Variants in FBXL18 observed in about 807,000 individuals in gnomAD.
FBXL18 encodes the protein F-box/LRR-repeat protein 18.
In FBXL18, 36 loss-of-function variants were observed where a neutral mutation model predicts 46.0. The observed-to-expected ratio is 0.78, with a 90% CI of 0.60 to 1.03. The LOEUF (loss-of-function observed/expected upper bound fraction) is 1.03, where lower values mean the gene tolerates loss of function less well. Ranked by LOEUF, FBXL18 falls within the 50% of genes least tolerant of loss-of-function variation. FBXL18 has a pLI of 0.00. For synonymous variants in FBXL18, 557 were observed against 465.3 expected, an observed-to-expected ratio of 1.20 and a Z score of -2.54; for missense variants, 977 against 1,004.1, an observed-to-expected ratio of 0.97 and a Z score of 0.36.
At chr7:5,510,685 C>G (rs1784510409) in intron 1 of FBXL18, among the ~76,000 whole-genome samples, 2 of 128,218 alleles carry the variant, frequency 1.6e-5, no homozygotes, top group African/African-American at 7.2e-5. Context: ...GATCCTGTCT[C>G]CAAAAAAAAA....
chr7:5,500,913 C>T lies in FBXL18; in HGVS notation c.1356G>A (p.Val452=). ...HAVPRGFGKK[V]RVGVQSCPSP... is the part of the protein sequence containing the mutation. ...TGGGACAGGACTGCACGCCCACACG[C>T]ACTTTCTTGCCAAAGCCGCGCGGCA... Residue 452 remains valine (V), a synonymous_variant, in exon 3 of 5, where the codon GTG becomes GTA. Coordinates refer to ENST00000382368, the MANE Select transcript of FBXL18 (RefSeq NM_024963.6). 1.9e-6 allele frequency: 3 copies of T among 1,571,134 alleles called. No individual in the cohort carries two copies. The highest frequency in any genetic ancestry group is 2.6e-6 in the Non-Finnish European group (3 of 1,159,032).
intron 3 of FBXL18, among the ~76,000 whole-genome samples, chr7:5,493,396 C>T (rs922273412): frequency 6.6e-4 from 100 of 152,068 alleles, no homozygotes; most frequent in African/African-American, 2.2e-3. Context: ...CCCGGGTTCA[C>T]GCCATTCTCC....
chr7:5,455,009 G>C lies in FBXL18; in HGVS notation c.2001-7166C>G, dbSNP rs1783152746. Among the ~76,000 whole-genome samples, 1 of 152,202 alleles carries C rather than the reference G, an allele frequency of 6.6e-6. No homozygotes were observed. Among genetic ancestry groups the C allele is most frequent in the African/African-American group, 2.4e-5 (1 of 41,442 alleles). On this transcript the variant is annotated intron_variant and NMD_transcript_variant, in intron 4 of 6. Transcript: ENST00000415009. The surrounding 1 kb of genome is among the most constrained non-coding windows in gnomAD (Gnocchi z 4.6). ...GGGAAACCAGAGCCTGGAGGGTGGT[G>C]CTCTAAGAGTGATCCCAGTCACACT... is the stretch of plus-strand genomic sequence containing the variant.
Position 5,464,612 on chromosome 7 carries a change from G to A in FBXL18, c.2001-16769C>T, listed in dbSNP as rs1289883864. On this transcript the variant is annotated intron_variant and NMD_transcript_variant, in intron 4 of 6. Coordinates refer to the FBXL18 transcript ENST00000415009. ...CAGGAGACGAATGTTGCAGTGACCC[G>A]AGATGACACCACTGAACTCTAGCCT... Among the ~76,000 whole-genome samples the A allele has an allele frequency of 6.8e-5, 9 of 131,830 alleles. 1 individual carries two copies. The highest frequency in any genetic ancestry group is 5.0e-4 in the South Asian group (2 of 4,004). The allele number at this position is 131,830 out of a possible 152,430, so 86.5% of individuals were successfully genotyped here. A position where few individuals can be genotyped will look rare whatever the true frequency, so the allele number is the denominator to read the frequency against.
intron 1 of FBXL18, among the ~76,000 whole-genome samples, chr7:5,510,677 T>C (rs1321911714): frequency 7.3e-6 from 1 of 136,072 alleles, no homozygotes; most frequent in Non-Finnish European, 1.5e-5. Flanking sequence ...CAGAGTGAGA[T>C]CCTGTCTCCA....
In FBXL18 at chr7:5,481,791, GGC is replaced by G; in HGVS notation, c.2139_2140del (p.Pro714GlufsTer68). The G allele has an allele frequency of 6.2e-7, 1 of 1,613,482 alleles. No homozygotes were observed. The highest frequency in any genetic ancestry group is 1.1e-5 in the South Asian group (1 of 91,082). On this transcript the variant is annotated frameshift_variant, in exon 5 of 5. Transcript: ENST00000382368. LOFTEE classifies it high-confidence loss of function. ...CTCCGCCTCTCACCACCACAGGTTC[GGC>G]GGTTCCTCGGCCACTCTGCTCTTAA...
chr7:5,467,710 C>T (rs1031916755), intron 4 of FBXL18, among the ~76,000 whole-genome samples: 1 of 152,108 alleles, frequency 6.6e-6, no homozygotes, highest in South Asian at 2.1e-4. Flanking sequence ...AGTTCCTCCC[C>T]GTCAAAAAAT....
intron 4 of FBXL18, among the ~76,000 whole-genome samples, chr7:5,487,539 C>T (rs4623326): frequency 0.93 from 142,207 of 152,290 alleles, 66,491 homozygotes; most frequent in African/African-American, 0.98. Context: ...TCTCCTCTTC[C>T]AGGCGTGAAC....
At chr7:5,485,270 G>A (rs1562687366) in intron 4 of FBXL18, among the ~76,000 whole-genome samples, 2 of 152,194 alleles carry the variant, frequency 1.3e-5, no homozygotes, top group Non-Finnish European at 2.9e-5. Flanking sequence ...GGCAGAGGGG[G>A]AGTCTCTGTG....
intron 4 of FBXL18, among the ~76,000 whole-genome samples, chr7:5,467,212 G>A (rs1305127722): frequency 2.6e-5 from 4 of 152,228 alleles, no homozygotes; most frequent in South Asian, 4.1e-4. Context: ...TTAGCCAGGC[G>A]CGGTGGCGAG....
At position 5,505,551 on chromosome 7, in the gene FBXL18, T is replaced by A. The variant is rs1198198490; in HGVS notation, c.98A>T (p.Asp33Val). ...ADGVHLLGFS[D>V]EILLHILSHV... ...ACTCAGGATGTGAAGGAGGATCTCA[T>A]CAGAGAACCCTAGGAGGTGGACCCC... The change falls in exon 2 of 5, where the codon GAT (aspartate) becomes GTT (valine). Residue 33 changes from aspartate (D) to valine (V), a missense_variant. Transcript: ENST00000382368. 6.2e-7 allele frequency: 1 copy of A among 1,613,890 alleles called. No individual in the cohort carries two copies. Among genetic ancestry groups the A allele is most frequent in the Non-Finnish European group, 8.5e-7 (1 of 1,179,966 alleles).
At chr7:5,472,152 C>A (rs1418777522), downstream of FBXL18, among the ~76,000 whole-genome samples, 1 of 152,032 alleles carries the variant, frequency 6.6e-6, no homozygotes, top group Non-Finnish European at 1.5e-5. Flanking sequence ...TTCCCCCAGA[C>A]CTGGGCTGAA....
intron 1 of FBXL18, among the ~76,000 whole-genome samples, chr7:5,512,645 A>C (rs2908428): frequency 6.6e-6 from 1 of 151,968 alleles, no homozygotes. Context: ...AGGGGGCTTT[A>C]AGCTGTAATT....
At chr7:5,468,340 A>G (rs1173493986) in intron 4 of FBXL18, among the ~76,000 whole-genome samples, 1 of 151,930 alleles carries the variant, frequency 6.6e-6, no homozygotes, top group Non-Finnish European at 1.5e-5. Context: ...GATGGCCTCG[A>G]TCTCCTGACC....
At chr7:5,475,073 C>T (rs113841498), downstream of FBXL18, among the ~76,000 whole-genome samples, 2,618 of 149,076 alleles carry the variant, frequency 0.018, 90 homozygotes, top group African/African-American at 0.061. This position sits in a 1 kb window ranked among gnomAD's most constrained non-coding sequence, Gnocchi z 4.2. Context: ...CATCCCAGCA[C>T]TTTGGGAGGC....
intron 1 of FBXL18, among the ~76,000 whole-genome samples, chr7:5,511,647 A>C (rs542800384): frequency 6.6e-6 from 1 of 151,322 alleles, no homozygotes; most frequent in East Asian, 2.0e-4. Flanking sequence ...GGGCGCCTGT[A>C]GTCCCAGCTA....
chr7:5,491,637 T>A (rs987402254), intron 3 of FBXL18, among the ~76,000 whole-genome samples, 188 bp from the exon 4 acceptor site: 1 of 152,120 alleles, frequency 6.6e-6, no homozygotes, highest in Non-Finnish European at 1.5e-5. Context: ...AGGGTCCCCC[T>A]TGGAGATCTG....
At chr7:5,485,034 G>T (rs189497799) in intron 4 of FBXL18, among the ~76,000 whole-genome samples, 1 of 151,898 alleles carries the variant, frequency 6.6e-6, no homozygotes, top group African/African-American at 2.4e-5. Flanking sequence ...CTCCCCCCTT[G>T]GCCTCCCAAA....
At position 5,479,568 on chromosome 7, in the gene FBXL18, G is replaced by GT. The variant is rs1232483600; in HGVS notation, c.*2206_*2207insA. 1.3e-5 allele frequency: 2 copies of GT among 152,244 alleles called. No individual in the cohort carries two copies. Among genetic ancestry groups the GT allele is most frequent in the Non-Finnish European group, 2.9e-5 (2 of 68,074 alleles). The allele number at this position is 152,244 out of a possible 1,614,324, so 9.4% of individuals were successfully genotyped here. On this transcript the variant is annotated 3_prime_UTR_variant, in exon 5 of 5. Transcript: ENST00000382368. Reference sequence around the variant, plus strand: ...AATGCCCAGGAACTGTGGGTGGGGGGGGTGCTCCCACCACCTCTGAGACCC... The same window carrying GT: ...AATGCCCAGGAACTGTGGGTGGGGGGTGGTGCTCCCACCACCTCTGAGACCC...
Sources: gnomAD v4.1 joint callset for allele counts (sites outside exome capture counted in the v4.1 genomes callset) on GRCh38, gnomAD v4.1.1 for gene constraint, Gnocchi (gnomAD v3.1) non-coding constraint, MANE v1.5 for transcripts, NCBI Gene and HGNC (gene_info 2026-07-23, HGNC 2026-07-21) for gene names.